Variants in TENM3 observed in about 807,000 individuals in gnomAD.
TENM3 encodes teneurin transmembrane protein 3, also known as teneurin-3.
Under a neutral mutation model 255.1 loss-of-function variants are expected in TENM3, and 63 were observed. The ratio of observed to expected loss-of-function variants is 0.25; its 90% CI spans 0.20 to 0.30. The LOEUF (loss-of-function observed/expected upper bound fraction) is 0.30, where lower values mean the gene tolerates loss of function less well. Among genes scored for constraint, TENM3 ranks in the 10% least tolerant of loss-of-function variants. The pLI is 1.00. For synonymous variants in TENM3, 1,306 were observed against 1,322.3 expected (o/e 0.99, Z 0.27); for missense variants, 2,929 against 3,461.1 (o/e 0.85, Z 3.86).
At chr4:181,454,584 C>A in the TENM3 span, among the ~76,000 whole-genome samples, 1 of 130,310 alleles carries the variant, frequency 7.7e-6, no homozygotes, top group Non-Finnish European at 1.6e-5. Context: ...AAGTGCCTTA[C>A]GCAGACGTAC....
rs528680685 is a variant in TENM3 at position 182,692,273 on chromosome 4, A to G, written c.2221+3922A>G. Among the ~76,000 whole-genome samples, 42 of 152,380 alleles carry G rather than the reference A, an allele frequency of 2.8e-4. No individual in the cohort carries two copies. The South Asian group carries it at 7.9e-3, about 29-fold the overall frequency. On this transcript the variant is annotated intron_variant, in intron 12 of 27. Transcript: ENST00000511685. ...AATGCAGTGGTAGGCTCTGCTGAAC[A>G]GATGGTTATAGGCAGAGTCAATCAC...
At chr4:181,593,182 G>A in the TENM3 span, among the ~76,000 whole-genome samples, 1 of 152,152 alleles carries the variant, frequency 6.6e-6, no homozygotes, top group Admixed American at 6.5e-5. Flanking sequence ...ATTAAAAGTT[G>A]CTTTGAGCAG....
chr4:181,997,971 G>A, the TENM3 span, among the ~76,000 whole-genome samples: 4 of 152,092 alleles, frequency 2.6e-5, no homozygotes, highest in African/African-American at 9.7e-5. Context: ...ATCTAATCAG[G>A]ACAAAAAGAT....
At chr4:182,641,343 A>G (rs1340966936) in intron 5 of TENM3, among the ~76,000 whole-genome samples, 2 of 152,176 alleles carry the variant, frequency 1.3e-5, no homozygotes, top group African/African-American at 4.8e-5. Flanking sequence ...GGATCTCCAT[A>G]TTTCAATAGT....
At chr4:182,123,410 T>G in the TENM3 span, among the ~76,000 whole-genome samples, 1 of 152,222 alleles carries the variant, frequency 6.6e-6, no homozygotes, top group Non-Finnish European at 1.5e-5. Flanking sequence ...TAGCTTTTGA[T>G]GTAAGTGAGA....
the TENM3 span, among the ~76,000 whole-genome samples, chr4:181,718,812 A>C: frequency 6.6e-6 from 1 of 152,302 alleles, no homozygotes; most frequent in South Asian, 2.1e-4. Context: ...TTGTATAGTC[A>C]GCAGTAGGAA....
the TENM3 span, among the ~76,000 whole-genome samples, chr4:181,612,847 A>G: frequency 1.9e-4 from 29 of 152,292 alleles, no homozygotes; most frequent in African/African-American, 6.7e-4. Context: ...GAAAAACATT[A>G]CCTATTTAAA....
chr4:182,432,460 A>G (rs1361080010), intron 3 of TENM3, among the ~76,000 whole-genome samples: 1 of 152,246 alleles, frequency 6.6e-6, no homozygotes, highest in Non-Finnish European at 1.5e-5. Context: ...CATTAAACCA[A>G]TCATGCTTAA....
rs780782046 is a variant in TENM3, at chr4:182,754,945, C to A, written c.4578C>A (p.Ile1526=). ...ATCAAGAACTCTACATCTTTGACAT[C>A]AATGGTACTCACCAATATACTGTAA... ...PTDQELYIFD[I]NGTHQYTVSL... Residue 1526 remains isoleucine, a synonymous_variant, in exon 22 of 28, where the codon ATC becomes ATA. Transcript: ENST00000511685. The surrounding 1 kb of genome is among the most constrained non-coding windows in gnomAD (Gnocchi z 5.1). 8 of 1,613,990 alleles carry A rather than the reference C, an allele frequency of 5.0e-6. No individual in the cohort carries two copies. The highest frequency in any genetic ancestry group is 1.6e-4 in the Middle Eastern group (1 of 6,062).
chr4:181,550,845 G>C, the TENM3 span, among the ~76,000 whole-genome samples: 1 of 152,196 alleles, frequency 6.6e-6, no homozygotes, highest in Non-Finnish European at 1.5e-5. Context: ...GTTAGCATTT[G>C]AATTCAGATC....
At chr4:181,970,596 C>T in the TENM3 span, among the ~76,000 whole-genome samples, 2 of 152,134 alleles carry the variant, frequency 1.3e-5, no homozygotes, top group Non-Finnish European at 2.9e-5. Context: ...TTTATGTGAT[C>T]GTATGATATA....
chr4:182,573,726 A>G (rs931830900), intron 3 of TENM3, among the ~76,000 whole-genome samples: 1 of 152,222 alleles, frequency 6.6e-6, no homozygotes, highest in Non-Finnish European at 1.5e-5. Context: ...GCTTTATATC[A>G]GAATTGAATT....
In TENM3 at chr4:182,673,117, C is replaced by G; in HGVS notation, c.1224C>G (p.Leu408=). 6.2e-7 allele frequency: 1 copy of G among 1,613,498 alleles called. No homozygotes were observed. Among genetic ancestry groups the G allele is most frequent in the Middle Eastern group, 1.7e-4 (1 of 6,058 alleles). The change falls in exon 7 of 28, where the codon CTC becomes CTG. Residue 408 remains leucine, a synonymous_variant. Transcript: ENST00000511685. ...IPPGIFWRSQ[L]FIDQPQFLKF... is the part of the protein sequence containing the mutation. ...CCGGGATCTTCTGGAGATCACAGCT[C>G]TTCATTGATCAGCCACAGTTTCTTA...
chr4:181,562,917 A>G, the TENM3 span, among the ~76,000 whole-genome samples: 5 of 152,122 alleles, frequency 3.3e-5, no homozygotes, highest in Non-Finnish European at 7.4e-5. Flanking sequence ...TCAGGTGATT[A>G]GCCCGCCTGG....
chr4:182,401,314 C>A (rs1769201136), intron 3 of TENM3, among the ~76,000 whole-genome samples: 1 of 152,086 alleles, frequency 6.6e-6, no homozygotes, highest in Non-Finnish European at 1.5e-5. Flanking sequence ...AGCAGTTGTC[C>A]AGTTTTAATG....
chr4:182,458,482 C>A (rs1049271255), intron 3 of TENM3, among the ~76,000 whole-genome samples: 1 of 151,946 alleles, frequency 6.6e-6, no homozygotes, highest in African/African-American at 2.4e-5. Context: ...GGTGGTGTGA[C>A]CTTGGAAAAG....
At chr4:182,623,568 G>A (rs1308014925) in intron 4 of TENM3, among the ~76,000 whole-genome samples, 2 of 151,934 alleles carry the variant, frequency 1.3e-5, no homozygotes, top group Non-Finnish European at 2.9e-5. Flanking sequence ...CTGAGCTTGT[G>A]ATCCACCCGC....
intron 3 of TENM3, among the ~76,000 whole-genome samples, chr4:182,591,756 C>T (rs1255233247): frequency 2.0e-5 from 3 of 152,124 alleles, no homozygotes; most frequent in Non-Finnish European, 2.9e-5. Flanking sequence ...AAGTGATTTT[C>T]TGAGTAAAAT....
At chr4:182,564,908 C>T (rs1743618837) in intron 3 of TENM3, among the ~76,000 whole-genome samples, 1 of 152,120 alleles carries the variant, frequency 6.6e-6, no homozygotes. Context: ...TCTGTTGTTT[C>T]TGAACAGCTC....
Sources: allele counts gnomAD v4.1 joint callset (sites outside exome capture counted in the v4.1 genomes callset), GRCh38; gene constraint gnomAD v4.1.1; non-coding constraint Gnocchi (gnomAD v3.1); transcripts MANE v1.5; gene names NCBI Gene and HGNC (gene_info 2026-07-23, HGNC 2026-07-21).